The following FOXO1 variants were observed in gnomAD, a reference collection of about 807,000 sequenced individuals.
FOXO1 encodes forkhead box O1, also known as forkhead box protein O1.
A neutral mutation model predicts 44.1 loss-of-function variants in FOXO1; 6 were observed. The ratio of observed to expected loss-of-function variants is 0.14; its 90% CI spans 0.07 to 0.27. The LOEUF (loss-of-function observed/expected upper bound fraction) is 0.27. Among genes scored for constraint, FOXO1 ranks in the 10% least tolerant of loss-of-function variants. The pLI, the probability that FOXO1 is intolerant of heterozygous loss-of-function variation, is 1.00. For synonymous variants in FOXO1, 380 were observed against 362.7 expected, an observed-to-expected ratio of 1.05 and a Z score of -0.54; for missense variants, 737 against 888.8, an observed-to-expected ratio of 0.83 and a Z score of 2.17.
At chr13:40,638,528 T>C (rs1023795036) in intron 1 of FOXO1, among the ~76,000 whole-genome samples, 7 of 152,176 alleles carry the variant, frequency 4.6e-5, no homozygotes, top group African/African-American at 1.7e-4. Context: ...TACAGTCCAA[T>C]GAGATTTGGG....
intron 1 of FOXO1, among the ~76,000 whole-genome samples, chr13:40,610,424 T>C (rs145377846): frequency 1.5e-3 from 234 of 152,294 alleles, no homozygotes; most frequent in African/African-American, 5.2e-3. Context: ...TTGTAAAACA[T>C]TGTAATAAGC....
chr13:40,591,760 G>A (rs190577540), intron 1 of FOXO1, among the ~76,000 whole-genome samples: 168 of 152,258 alleles, frequency 1.1e-3, no homozygotes, highest in Non-Finnish European at 2.0e-3. Flanking sequence ...AGAGTGAGGT[G>A]GCTCGATCTT....
At chr13:40,571,492 C>A (rs1418116677) in intron 1 of FOXO1, among the ~76,000 whole-genome samples, 1 of 152,106 alleles carries the variant, frequency 6.6e-6, no homozygotes, top group Non-Finnish European at 1.5e-5. Context: ...ACCCTTTAAC[C>A]CACTCACCAG....
intron 1 of FOXO1, among the ~76,000 whole-genome samples, chr13:40,563,925 A>T (rs1023620263): frequency 2.0e-5 from 3 of 152,222 alleles, no homozygotes; most frequent in African/African-American, 7.2e-5. Flanking sequence ...ATACACTGGA[A>T]GTCCAGGCAT....
chr13:40,572,583 G>A (rs191522725), intron 1 of FOXO1, among the ~76,000 whole-genome samples: 11 of 152,258 alleles, frequency 7.2e-5, no homozygotes, highest in South Asian at 2.1e-4. Flanking sequence ...ATGCAACAAC[G>A]ACTCGAGACT....
At chr13:40,570,782 G>A (rs2721072) in intron 1 of FOXO1, among the ~76,000 whole-genome samples, 63,423 of 151,980 alleles carry the variant, frequency 0.42, 14,632 homozygotes, top group East Asian at 0.73. Flanking sequence ...TTTTCAGGAA[G>A]TGAAATGGAA....
At position 40,559,929 on chromosome 13, in the gene FOXO1, G is replaced by A; in HGVS notation, c.1562C>T (p.Ser521Phe). 2 of 1,614,172 alleles carry A rather than the reference G, an allele frequency of 1.2e-6. No individual in the cohort carries two copies. Among genetic ancestry groups the A allele is most frequent in the Non-Finnish European group, 1.7e-6 (2 of 1,180,032 alleles). Reference sequence around the variant, plus strand: ...CTGAGCATGTCCAGGGTGGGTATGGGAGCTGGGATTCATCATTTTGTTATG... The same window carrying A: ...CTGAGCATGTCCAGGGTGGGTATGGAAGCTGGGATTCATCATTTTGTTATG... ...ASHNKMMNPS[S>F]HTHPGHAQQT... The change falls in exon 2 of 3, where the codon TCC becomes TTC. Residue 521 changes from serine (S) to phenylalanine (F), a missense_variant. Ser to Phe is a radical substitution (Grantham distance 155). Coordinates refer to ENST00000379561, the MANE Select transcript of FOXO1 (RefSeq NM_002015.4).
At chr13:40,647,574 T>G (rs1459035728) in intron 1 of FOXO1, among the ~76,000 whole-genome samples, 1 of 152,140 alleles carries the variant, frequency 6.6e-6, no homozygotes, top group Non-Finnish European at 1.5e-5. Context: ...CTGGCTAGTT[T>G]TTGTATTTTT....
chr13:40,652,493 C>T (rs1877718491), intron 1 of FOXO1, among the ~76,000 whole-genome samples: 2 of 152,128 alleles, frequency 1.3e-5, no homozygotes, highest in African/African-American at 4.8e-5. Flanking sequence ...CCGCCTAGGC[C>T]TCCCAAAGTA....
intron 1 of FOXO1, among the ~76,000 whole-genome samples, chr13:40,584,789 T>C (rs1875095393): frequency 6.6e-6 from 1 of 152,228 alleles, no homozygotes; most frequent in African/African-American, 2.4e-5. Context: ...AGCGAGTAGT[T>C]ATCCCTCCAG....
chr13:40,570,256 G>A (rs1874433249), intron 1 of FOXO1, among the ~76,000 whole-genome samples: 1 of 151,776 alleles, frequency 6.6e-6, no homozygotes, highest in Non-Finnish European at 1.5e-5. Flanking sequence ...GTTGCAGTAA[G>A]CCAAGATCGC....
intron 1 of FOXO1, among the ~76,000 whole-genome samples, chr13:40,649,426 T>G (rs1160264804): frequency 6.6e-6 from 1 of 152,160 alleles, no homozygotes; most frequent in African/African-American, 2.4e-5. Context: ...ATGACAGAAT[T>G]GATGACTTCT....
At chr13:40,593,398 C>T (rs1219557336) in intron 1 of FOXO1, among the ~76,000 whole-genome samples, 1 of 152,154 alleles carries the variant, frequency 6.6e-6, no homozygotes, top group Non-Finnish European at 1.5e-5. Context: ...AACCTCACAT[C>T]ATCCTGCCAC....
chr13:40,643,703 A>G (rs1489043600), intron 1 of FOXO1, among the ~76,000 whole-genome samples: 1 of 152,130 alleles, frequency 6.6e-6, no homozygotes. Flanking sequence ...TTATGTAAAA[A>G]TATTCCATAT....
chr13:40,628,802 A>C (rs868267131), intron 1 of FOXO1, among the ~76,000 whole-genome samples: 130 of 152,282 alleles, frequency 8.5e-4, no homozygotes, highest in South Asian at 6.2e-4. Context: ...TGCAGGCTCA[A>C]CCTTCCTCTC....
intron 1 of FOXO1, among the ~76,000 whole-genome samples, chr13:40,580,965 T>C (rs1220110073): frequency 1.3e-5 from 2 of 152,180 alleles, no homozygotes; most frequent in South Asian, 2.1e-4. Flanking sequence ...ACCCGGCGCT[T>C]CCGCTAGCTA....
At chr13:40,657,005 CTG>C (rs1386041393) in intron 1 of FOXO1, among the ~76,000 whole-genome samples, 1 of 151,790 alleles carries the variant, frequency 6.6e-6, no homozygotes, top group African/African-American at 2.4e-5. Flanking sequence ...TAATTTTTTT[CTG>C]TCTTTTTAGT....
intron 1 of FOXO1, among the ~76,000 whole-genome samples, chr13:40,634,191 A>C (rs1877065874): frequency 6.6e-6 from 1 of 152,214 alleles, no homozygotes; most frequent in Non-Finnish European, 1.5e-5. Flanking sequence ...TCCCTTTGCT[A>C]ATAAAACTGC....
intron 1 of FOXO1, among the ~76,000 whole-genome samples, chr13:40,581,543 T>C (rs1394896211): frequency 5.9e-5 from 9 of 152,210 alleles, no homozygotes; most frequent in Admixed American, 5.2e-4. Flanking sequence ...AACATGCAAT[T>C]AATCCTCATT....
Sources: gnomAD v4.1 joint callset for allele counts (sites outside exome capture counted in the v4.1 genomes callset) on GRCh38, gnomAD v4.1.1 for gene constraint, MANE v1.5 for transcripts, NCBI Gene and HGNC (gene_info 2026-07-23, HGNC 2026-07-21) for gene names.